The following GPR35 variants were observed in gnomAD, a reference collection of about 807,000 sequenced individuals.
The protein encoded by GPR35 is G protein-coupled receptor 35.
For synonymous variants in GPR35, 207 were observed against 198.4 expected, an observed-to-expected ratio of 1.04 and a Z score of -0.36; for missense variants, 372 against 422.5, an observed-to-expected ratio of 0.88 and a Z score of 1.05.
At chr2:240,625,941 G>C (rs79189886) in intron 1 of GPR35, among the ~76,000 whole-genome samples, 20 of 108,548 alleles carry the variant, frequency 1.8e-4, no homozygotes, top group South Asian at 4.8e-4. Context: ...GGGTGAGGCT[G>C]TGATGGGTTC....
chr2:240,611,375 C>T (rs1020790246), intron 2 of GPR35, among the ~76,000 whole-genome samples: 2 of 152,180 alleles, frequency 1.3e-5, no homozygotes, highest in African/African-American at 4.8e-5. Context: ...CTATTCATCT[C>T]CTCTGTTCTT....
intron 2 of GPR35, among the ~76,000 whole-genome samples, chr2:240,612,695 C>T (rs1359693623): frequency 1.3e-5 from 2 of 152,238 alleles, no homozygotes; most frequent in East Asian, 1.9e-4. Flanking sequence ...TGGCCTGAGC[C>T]GCACACGGCT....
At chr2:240,625,766 A>T (rs2043364546) in intron 1 of GPR35, among the ~76,000 whole-genome samples, 198 bp downstream of exon 1, 1 of 120,800 alleles carries the variant, frequency 8.3e-6, no homozygotes, top group Non-Finnish European at 1.7e-5. Context: ...TGAGGCTGTG[A>T]TGGGGGTCTC....
At chr2:240,626,687 T>C (rs912239333) in intron 1 of GPR35, among the ~76,000 whole-genome samples, 5 of 152,124 alleles carry the variant, frequency 3.3e-5, no homozygotes, top group Admixed American at 1.3e-4. Context: ...GGGTGTGGTG[T>C]GCTGTGTGGG....
Position 240,610,505 on chromosome 2 carries a change from G to A in GPR35, c.-577+3893G>A, listed in dbSNP as rs28794481. On this transcript the variant is annotated intron_variant, in intron 2 of 5. Coordinates refer to the GPR35 transcript ENST00000319838. ...AAGACGAAGAGTCTCCTGTCACTCA[G>A]CCTGGAATACAGTGGTACCATCAGG... Among the ~76,000 whole-genome samples the A allele has an allele frequency of 5.4e-3, 823 of 152,202 alleles. 8 individuals are homozygous for A. The highest frequency in any genetic ancestry group is 0.019 in the African/African-American group (791 of 41,526).
intron 5 of GPR35, among the ~76,000 whole-genome samples, chr2:240,619,637 C>G (rs1308085553): frequency 6.6e-6 from 1 of 152,248 alleles, no homozygotes; most frequent in Admixed American, 6.5e-5. Context: ...GGGACTGCCC[C>G]TTCCTTGTCC....
chr2:240,616,224 G>A (rs574796492), intron 2 of GPR35, among the ~76,000 whole-genome samples: 25 of 152,278 alleles, frequency 1.6e-4, no homozygotes, highest in Middle Eastern at 6.8e-3. Flanking sequence ...CACTATTGCA[G>A]TCGTGAATAC....
At chr2:240,620,711 G>T (rs752055135), upstream of GPR35, among the ~76,000 whole-genome samples, 66 of 152,254 alleles carry the variant, frequency 4.3e-4, no homozygotes, top group Middle Eastern at 3.4e-3. Context: ...ACAGGGCGGG[G>T]TCTTGGCTGG....
intron 1 of GPR35, among the ~76,000 whole-genome samples, chr2:240,626,506 C>T (rs2043380538): frequency 6.6e-6 from 1 of 151,890 alleles, no homozygotes; most frequent in South Asian, 2.1e-4. Context: ...GTTGGGGTCT[C>T]AGGGGTGGCT....
upstream of GPR35, among the ~76,000 whole-genome samples, chr2:240,623,930 C>T (rs914341573): frequency 7.2e-6 from 1 of 139,506 alleles, no homozygotes; most frequent in African/African-American, 2.5e-5. Flanking sequence ...CTGGTGGGGA[C>T]GGGGTGCCCC....
At position 240,631,192 on chromosome 2, in the gene GPR35, C is replaced by T. The variant is rs2043444237; in HGVS notation, c.*310C>T. Reference sequence around the variant, plus strand: ...GAGTGGGTTCCTGCTGGCCAGGGTGCAGCCTTGATGACACCTGCCGCTGCC... The same window carrying T: ...GAGTGGGTTCCTGCTGGCCAGGGTGTAGCCTTGATGACACCTGCCGCTGCC... On this transcript the variant is annotated 3_prime_UTR_variant, in exon 2 of 2. Transcript: ENST00000407714. 2.3e-6 allele frequency: 1 copy of T among 429,840 alleles called. No homozygotes were observed. Among genetic ancestry groups the T allele is most frequent in the South Asian group, 3.7e-5 (1 of 27,178 alleles). The allele number at this position is 429,840 out of a possible 1,614,324, so 26.6% of individuals were successfully genotyped here.
rs139197368 is a variant in GPR35 at position 240,630,037 on chromosome 2, G to A, written c.85G>A (p.Val29Ile). Reference protein sequence around the residue: ...IKLGFYAYLGVLLVLGLLLNS... With the variant: ...IKLGFYAYLGILLVLGLLLNS... ...GCTGGGCTTCTACGCCTACTTGGGC[G>A]TCCTGCTGGTGCTAGGCCTGCTGCT... The change falls in exon 2 of 2, where the codon GTC becomes ATC. Residue 29 changes from valine (V) to isoleucine (I), a missense_variant. Transcript: ENST00000407714. 14,861 of 1,612,702 alleles carry A rather than the reference G, an allele frequency of 9.2e-3. 104 individuals carry two copies. Among genetic ancestry groups the A allele is most frequent in the Middle Eastern group, 0.013 (80 of 6,058 alleles).
At chr2:240,623,538 G>T (rs1042042409), upstream of GPR35, among the ~76,000 whole-genome samples, 2 of 151,352 alleles carry the variant, frequency 1.3e-5, no homozygotes, top group Non-Finnish European at 1.5e-5. Context: ...GGGGAGAGAG[G>T]GGCCCTGGGG....
intron 2 of GPR35, among the ~76,000 whole-genome samples, chr2:240,609,030 T>C (rs935308421): frequency 2.6e-5 from 4 of 152,210 alleles, no homozygotes; most frequent in African/African-American, 9.6e-5. Flanking sequence ...TTACTAATAT[T>C]CTTGTATTAT....
At chr2:240,620,434 C>T (rs1223507969) in intron 5 of GPR35, among the ~76,000 whole-genome samples, 2 of 152,170 alleles carry the variant, frequency 1.3e-5, no homozygotes, top group African/African-American at 4.8e-5. Flanking sequence ...GAGCTGGAGG[C>T]TCCACTGTGA....
At chr2:240,615,015 G>A (rs145445258) in intron 2 of GPR35, among the ~76,000 whole-genome samples, 2 of 152,126 alleles carry the variant, frequency 1.3e-5, no homozygotes, top group East Asian at 3.9e-4. Context: ...TGTGTATGCA[G>A]TGCTTGTGTG....
intron 2 of GPR35, chr2:240,607,181 A>AAAG (rs1559431626): frequency 6.9e-6 from 1 of 145,102 alleles, no homozygotes; most frequent in African/African-American, 2.7e-5. Flanking sequence ...TTAATTTTTT[A>AAAG]AAAATTTTTT....
At chr2:240,612,758 T>C (rs2043196048) in intron 2 of GPR35, among the ~76,000 whole-genome samples, 1 of 152,158 alleles carries the variant, frequency 6.6e-6, no homozygotes, top group Non-Finnish European at 1.5e-5. Flanking sequence ...AAACAGCTGA[T>C]CAAATCCGGG....
intron 2 of GPR35, among the ~76,000 whole-genome samples, chr2:240,613,035 C>T (rs2043200275): frequency 6.6e-6 from 1 of 152,262 alleles, no homozygotes; most frequent in African/African-American, 2.4e-5. Flanking sequence ...ATTCCTGGAA[C>T]TCCAACCTCA....
Sources: allele counts gnomAD v4.1 joint callset (sites outside exome capture counted in the v4.1 genomes callset), GRCh38; gene constraint gnomAD v4.1.1; transcripts MANE v1.5; gene names NCBI Gene and HGNC (gene_info 2026-07-23, HGNC 2026-07-21).